The following DGKH variants were observed in gnomAD, a reference collection of about 807,000 sequenced individuals.
DGKH encodes the protein diacylglycerol kinase eta.
DGKH carries 90 observed loss-of-function variants against 159.3 expected under a neutral mutation model. That is an observed-to-expected ratio of 0.57 (90% CI 0.48 to 0.67). The LOEUF is 0.67. Ranked by LOEUF, DGKH falls within the 30% of genes least tolerant of loss-of-function variation. DGKH has a pLI of 0.00. For missense variants in DGKH, 1,181 were observed against 1,506.1 expected, an observed-to-expected ratio of 0.78 and a Z score of 3.57; for synonymous variants, 536 against 553.8, an observed-to-expected ratio of 0.97 and a Z score of 0.45.
intron 11 of DGKH, 77 bp from the exon 12 acceptor site, chr13:42,173,983 G>A (rs1185310885): frequency 2.0e-4 from 166 of 834,128 alleles, no homozygotes; most frequent in Middle Eastern, 4.4e-4. Context: ...GTGTGTGTGT[G>A]CGCGTTTATG....
At chr13:42,129,081 C>T (rs144241129) in intron 2 of DGKH, among the ~76,000 whole-genome samples, 156 of 152,280 alleles carry the variant, frequency 1.0e-3, no homozygotes, top group African/African-American at 3.5e-3. Flanking sequence ...CTCATTTGAA[C>T]GCATAGTTAT....
At chr13:42,253,581 C>CT (rs1201390905) in intron 30 of DGKH, among the ~76,000 whole-genome samples, 1 of 152,178 alleles carries the variant, frequency 6.6e-6, no homozygotes, top group African/African-American at 2.4e-5. Flanking sequence ...GGTGTTTTAG[C>CT]TTAGCGGGGA....
intron 1 of DGKH, among the ~76,000 whole-genome samples, chr13:42,087,421 T>C (rs1337227195): frequency 6.6e-6 from 1 of 151,990 alleles, no homozygotes; most frequent in Non-Finnish European, 1.5e-5. Flanking sequence ...ATACAAAAGC[T>C]GGAAAATTCA....
Position 42,233,953 on chromosome 13 carries a change from A to G in DGKH, c.*4765A>G, listed in dbSNP as rs1012111542. 1 of 152,248 alleles carries G rather than the reference A, an allele frequency of 6.6e-6. No individual in the cohort carries two copies. Among genetic ancestry groups the G allele is most frequent in the African/African-American group, 2.4e-5 (1 of 41,470 alleles). 9.4% of individuals were successfully genotyped at this position (152,248 alleles called of 1,614,324 possible). A position where few individuals can be genotyped will look rare whatever the true frequency, so the allele number is the denominator to read the frequency against. On this transcript the variant is annotated 3_prime_UTR_variant, in exon 30 of 30. Coordinates refer to ENST00000337343, the MANE Select transcript of DGKH (RefSeq NM_178009.5). ...TGAATTGTTAGTCATGCAAAAAAAG[A>G]AAAGGAATGAACCAAGATGATTGCA...
intron 1 of DGKH, among the ~76,000 whole-genome samples, chr13:42,103,291 A>G (rs184029123): frequency 3.9e-4 from 59 of 152,324 alleles, no homozygotes; most frequent in Middle Eastern, 3.4e-3. Context: ...GGTGGTAGTA[A>G]TTAAACACGT....
intron 11 of DGKH, among the ~76,000 whole-genome samples, chr13:42,172,629 A>G (rs1331519824): frequency 6.6e-6 from 1 of 152,092 alleles, no homozygotes; most frequent in Non-Finnish European, 1.5e-5. Context: ...TCATTTGTTA[A>G]GGTACTGCTT....
At chr13:42,098,017 C>T (rs948249303) in intron 1 of DGKH, among the ~76,000 whole-genome samples, 1 of 152,176 alleles carries the variant, frequency 6.6e-6, no homozygotes, top group African/African-American at 2.4e-5. Context: ...CTTACAAAAT[C>T]TTCCAGTTCT....
intron 1 of DGKH, among the ~76,000 whole-genome samples, chr13:42,102,820 A>G (rs759686112): frequency 1.3e-5 from 2 of 152,248 alleles, no homozygotes; most frequent in African/African-American, 4.8e-5. Context: ...GAGTTCATTC[A>G]GGACAAGAAA....
chr13:42,153,151 A>G, intron 3 of DGKH, among the ~76,000 whole-genome samples: 1 of 152,218 alleles, frequency 6.6e-6, no homozygotes, highest in Non-Finnish European at 1.5e-5. Context: ...GAAATTGCAA[A>G]TGTATACATT....
At position 42,199,884 on chromosome 13, in the gene DGKH, A is replaced by G. The variant is rs771751669; in HGVS notation, c.2468A>G (p.Asn823Ser). The G allele has an allele frequency of 1.2e-5, 19 of 1,612,302 alleles. No homozygotes were observed. The highest frequency in any genetic ancestry group is 1.6e-5 in the Non-Finnish European group (19 of 1,179,236). The change falls in exon 20 of 30, where the codon AAT (asparagine) becomes AGT (serine). Residue 823 changes from asparagine (N) to serine (S), a missense_variant. Physicochemically the swap from Asn to Ser is conservative, Grantham distance 46. Transcript: ENST00000337343. ...GAGTTATTACAGAGATCGTACAAGA[A>G]TTTAGAACAAAGGGTTCAACTTGAG... ...TRELLQRSYKNLEQRVQLECD... is the reference protein window; with the variant it reads ...TRELLQRSYKSLEQRVQLECD...
chr13:42,074,235 T>C (rs975753369), intron 1 of DGKH, among the ~76,000 whole-genome samples: 1 of 152,248 alleles, frequency 6.6e-6, no homozygotes, highest in Non-Finnish European at 1.5e-5. Flanking sequence ...GGTAATGTGT[T>C]TTGTTTTAAA....
chr13:42,224,072 T>A (rs1958056815), intron 29 of DGKH, among the ~76,000 whole-genome samples: 1 of 152,178 alleles, frequency 6.6e-6, no homozygotes, highest in Non-Finnish European at 1.5e-5. Flanking sequence ...AAGACATGTT[T>A]TCATTCTTTT....
intron 3 of DGKH, among the ~76,000 whole-genome samples, chr13:42,142,627 G>A (rs1189056101): frequency 6.6e-6 from 1 of 151,980 alleles, no homozygotes; most frequent in Non-Finnish European, 1.5e-5. Context: ...TTGTAAGTTG[G>A]ATTCCTAGGT....
At chr13:42,208,228 C>A (rs1372542794) in intron 21 of DGKH, among the ~76,000 whole-genome samples, 3 of 151,976 alleles carry the variant, frequency 2.0e-5, no homozygotes, top group African/African-American at 7.2e-5. Flanking sequence ...TTTTAATTAG[C>A]TTATTACTTT....
chr13:42,155,681 T>C lies in DGKH; in HGVS notation c.504T>C (p.Asn168=). The C allele has an allele frequency of 6.2e-7, 1 of 1,614,212 alleles. No homozygotes were observed. Among genetic ancestry groups the C allele is most frequent in the Non-Finnish European group, 8.5e-7 (1 of 1,180,028 alleles). ...CTCATTTCTAGGTGGCCCAGTTTAA[T>C]GTGGAACATTTCTCAGGGATGCACA... ...TREPYEVAQF[N]VEHFSGMHNW... The change falls in exon 5 of 30, where the codon AAT becomes AAC. Residue 168 remains asparagine (N), a synonymous_variant. Coordinates refer to ENST00000337343, the MANE Select transcript of DGKH (RefSeq NM_178009.5).
intron 29 of DGKH, chr13:42,225,344 G>A (rs1173408625): frequency 6.3e-7 from 1 of 1,576,632 alleles, no homozygotes; most frequent in African/African-American, 1.4e-5. Context: ...TATGGTGAGA[G>A]TTTTTTGTTT....
Position 42,048,950 on chromosome 13 carries a change from G to T in DGKH, c.177G>T (p.Gly59=). Residue 59 remains glycine (G), a synonymous_variant, in exon 1 of 30, where the codon GGG becomes GGT. Coordinates refer to ENST00000337343, the MANE Select transcript of DGKH (RefSeq NM_178009.5). The surrounding 1 kb of genome is among the most constrained non-coding windows in gnomAD (Gnocchi z 6.7). ...QKLIRKVSTS[G]QIRTKTSIKE... ...TGATCCGCAAAGTGTCTACCTCGGG[G>T]CAGATCCGGACCAAGGTAGGGCGGA... 7.6e-7 allele frequency: 1 copy of T among 1,307,882 alleles called. No homozygotes were observed. The highest frequency in any genetic ancestry group is 9.8e-7 in the Non-Finnish European group (1 of 1,020,856). 81.0% of individuals were successfully genotyped at this position (1,307,882 alleles called of 1,614,324 possible). A position where few individuals can be genotyped will look rare whatever the true frequency, so the allele number is the denominator to read the frequency against.
chr13:42,089,018 T>C (rs1954362888), intron 1 of DGKH, among the ~76,000 whole-genome samples: 1 of 152,154 alleles, frequency 6.6e-6, no homozygotes, highest in African/African-American at 2.4e-5. Flanking sequence ...TTACTAGGGA[T>C]AGTGAGGGAT....
chr13:42,248,948 C>T (rs895848011), intron 29 of DGKH, among the ~76,000 whole-genome samples: 3 of 152,062 alleles, frequency 2.0e-5, no homozygotes, highest in Non-Finnish European at 2.9e-5. Context: ...TTAGGTGATG[C>T]GTGACTGTGC....
Sources: allele counts gnomAD v4.1 joint callset (sites outside exome capture counted in the v4.1 genomes callset), GRCh38; gene constraint gnomAD v4.1.1; non-coding constraint Gnocchi (gnomAD v3.1); transcripts MANE v1.5; gene names NCBI Gene and HGNC (gene_info 2026-07-23, HGNC 2026-07-21).